LIFR: variants seen among roughly 807,000 people sequenced by gnomAD.
The protein encoded by LIFR is leukemia inhibitory factor receptor.
Under a neutral mutation model 122.2 loss-of-function variants are expected in LIFR, and 84 were observed. The observed-to-expected ratio is 0.69, with a 90% CI of 0.58 to 0.82. LIFR has a LOEUF of 0.82. Ranked by LOEUF, LIFR falls within the 40% of genes least tolerant of loss-of-function variation. The pLI, the probability that LIFR is intolerant of heterozygous loss-of-function variation, is 0.00. For missense variants in LIFR, 1,294 were observed against 1,311.6 expected, an observed-to-expected ratio of 0.99 and a Z score of 0.21; for synonymous variants, 422 against 434.7, an observed-to-expected ratio of 0.97 and a Z score of 0.36.
At chr5:38,490,828 G>T (rs1004832541) in intron 14 of LIFR, 1 of 152,098 alleles carries the variant, frequency 6.6e-6, no homozygotes, top group South Asian at 2.1e-4. Flanking sequence ...TCAAACTCCT[G>T]ACCTCGTGAC....
rs1282498723 is a variant in LIFR, at chr5:38,565,995, ACT to A, written c.-20+29264_-20+29265del. Among the ~76,000 whole-genome samples, 4 of 152,146 alleles carry A rather than the reference ACT, an allele frequency of 2.6e-5. No homozygotes were observed. The East Asian group carries it at 7.7e-4, about 29-fold the overall frequency. On this transcript the variant is annotated intron_variant, in intron 1 of 19. Coordinates refer to the LIFR transcript ENST00000263409. Reference sequence around the variant, plus strand: ...AGACAAAGCCCTTTGTCTTATGAAGACTCTGATGAAGCTTACGTATTAAGACT... The same window carrying A: ...AGACAAAGCCCTTTGTCTTATGAAGACTGATGAAGCTTACGTATTAAGACT...
chr5:38,528,726 C>G lies in LIFR; in HGVS notation c.257G>C (p.Arg86Thr). The change falls in exon 3 of 20, where the codon AGG becomes ACG. Residue 86 changes from arginine (R) to threonine (T), a missense_variant and splice_region_variant. Physicochemically the swap from Arg to Thr is moderately conservative, Grantham distance 71. Transcript: ENST00000453190. ...GTDYEVCIEN[R>T]SRSCYQLEKT... ...GTGAATTAAAGTAAATTAAAATTAC[C>G]TGTTTTCAATGCAAACTTCATAATC... is the stretch of plus-strand genomic sequence containing the variant. 6.5e-7 allele frequency: 1 copy of G among 1,548,548 alleles called. No homozygotes were observed. Among genetic ancestry groups the G allele is most frequent in the African/African-American group, 1.4e-5 (1 of 73,584 alleles).
intron 2 of LIFR, 85 bp downstream of exon 2, chr5:38,530,421 G>T (rs948538180): frequency 7.0e-6 from 8 of 1,138,142 alleles, no homozygotes; most frequent in Non-Finnish European, 1.1e-5. Flanking sequence ...TCCTAAAGGG[G>T]TCAATAAAGC....
At chr5:38,600,114 C>G (rs145017002), upstream of LIFR, among the ~76,000 whole-genome samples, 7 of 152,342 alleles carry the variant, frequency 4.6e-5, no homozygotes, top group Non-Finnish European at 1.0e-4. Flanking sequence ...TAACTTAACT[C>G]TTTCAACCAA....
chr5:38,476,523 T>A lies in LIFR; in HGVS notation c.*5072A>T. 1.1e-5 allele frequency: 1 copy of A among 94,142 alleles called. No homozygotes were observed. Among genetic ancestry groups the A allele is most frequent in the Non-Finnish European group, 2.4e-5 (1 of 42,208 alleles). The allele number at this position is 94,142 out of a possible 1,614,324, so 5.8% of individuals were successfully genotyped here. On this transcript the variant is annotated 3_prime_UTR_variant, in exon 20 of 20. Transcript: ENST00000453190. ...AACACATAGGATCTATGTTGTTAGC[T>A]TTTTTTTTTTTAAAGTTCTGATTGG...
intron 1 of LIFR, among the ~76,000 whole-genome samples, chr5:38,606,799 T>A: frequency 6.6e-6 from 1 of 152,170 alleles, no homozygotes; most frequent in East Asian, 1.9e-4. Flanking sequence ...TTTCTTTTTT[T>A]TCCCCCATGG....
chr5:38,589,608 T>A (rs991987909), intron 1 of LIFR, among the ~76,000 whole-genome samples: 16 of 152,310 alleles, frequency 1.1e-4, no homozygotes, highest in African/African-American at 3.9e-4. Context: ...ATAACCTTAT[T>A]CCATTAAATA....
Position 38,474,998 on chromosome 5 carries a change from C to T in LIFR, c.*6597G>A, listed in dbSNP as rs1743663177. 1 of 170,124 alleles carries T rather than the reference C, an allele frequency of 5.9e-6. No individual in the cohort carries two copies. Among genetic ancestry groups the T allele is most frequent in the East Asian group, 1.1e-4 (1 of 8,876 alleles). The allele number at this position is 170,124 out of a possible 1,614,324, so 10.5% of individuals were successfully genotyped here. A position where few individuals can be genotyped will look rare whatever the true frequency, so the allele number is the denominator to read the frequency against. On this transcript the variant is annotated 3_prime_UTR_variant, in exon 20 of 20. Transcript: ENST00000453190. ...GAAAATATATTTATTTTTTCCATGA[C>T]AATACTATGATAAAATTGTTAAATA...
intron 1 of LIFR, among the ~76,000 whole-genome samples, chr5:38,580,279 C>G (rs1473562030): frequency 6.6e-6 from 1 of 152,176 alleles, no homozygotes; most frequent in Non-Finnish European, 1.5e-5. Context: ...CTCAAAGTCA[C>G]TATGGCTGGA....
intron 1 of LIFR, among the ~76,000 whole-genome samples, chr5:38,552,720 A>G (rs1237081744): frequency 2.0e-5 from 3 of 152,354 alleles, no homozygotes; most frequent in Non-Finnish European, 2.9e-5. Flanking sequence ...ACAGTTTGAC[A>G]AAAGTGATAA....
At chr5:38,591,399 A>G (rs775779862) in intron 1 of LIFR, among the ~76,000 whole-genome samples, 2 of 152,248 alleles carry the variant, frequency 1.3e-5, no homozygotes, top group African/African-American at 2.4e-5. Context: ...CACTGCTCAT[A>G]TAACAGACAC....
At chr5:38,507,493 G>A (rs1015150528) in intron 7 of LIFR, among the ~76,000 whole-genome samples, 1 of 151,050 alleles carries the variant, frequency 6.6e-6, no homozygotes, top group African/African-American at 2.4e-5. Context: ...GAACCTGGGA[G>A]GTGGAGGCTG....
intron 5 of LIFR, among the ~76,000 whole-genome samples, chr5:38,513,070 G>C (rs1215509543): frequency 6.6e-6 from 1 of 152,042 alleles, no homozygotes; most frequent in Non-Finnish European, 1.5e-5. Flanking sequence ...GGGACTTCTA[G>C]GCAAACACAA....
intron 1 of LIFR, chr5:38,579,005 G>T (rs933880908): frequency 2.6e-5 from 4 of 152,192 alleles, no homozygotes; most frequent in African/African-American, 9.7e-5. Flanking sequence ...AGTGGTAAAG[G>T]TTCAGATAAT....
chr5:38,502,307 G>C (rs953004615), intron 11 of LIFR, among the ~76,000 whole-genome samples: 4 of 151,774 alleles, frequency 2.6e-5, no homozygotes, highest in African/African-American at 9.7e-5. Context: ...GCCCAGGCTG[G>C]AGTGCAATGG....
Position 38,527,238 on chromosome 5 carries a change from T to C in LIFR, c.314A>G (p.His105Arg), listed in dbSNP as rs143068676. 67 of 1,598,394 alleles carry C rather than the reference T, an allele frequency of 4.2e-5. No homozygotes were observed. In the African/African-American group the frequency reaches 8.3e-4, roughly 20 times the overall value. Residue 105 changes from histidine to arginine, a missense_variant, in exon 4 of 20, where the codon CAT (histidine) becomes CGT (arginine). By Grantham distance (29) the His-to-Arg change is conservative. Coordinates refer to ENST00000453190, the MANE Select transcript of LIFR (RefSeq NM_001127671.2). ...ATTTATTGTTATTTCATAATCACCA[T>C]GTGAAAGAGCTGGAATTTTAATACT... The part of the protein sequence containing the change: ...KTSIKIPALS[H>R]GDYEITINSL...
rs1488975450 is a variant in LIFR at position 38,480,128 on chromosome 5, ACC to A, written c.*1465_*1466del. 8 of 226,858 alleles carry A rather than the reference ACC, an allele frequency of 3.5e-5. No homozygotes were observed. Among genetic ancestry groups the A allele is most frequent in the African/African-American group, 1.6e-4 (7 of 44,056 alleles). 14.1% of individuals were successfully genotyped at this position (226,858 alleles called of 1,614,324 possible). A position where few individuals can be genotyped will look rare whatever the true frequency, so the allele number is the denominator to read the frequency against. On this transcript the variant is annotated 3_prime_UTR_variant, in exon 20 of 20. Coordinates refer to ENST00000453190, the MANE Select transcript of LIFR (RefSeq NM_001127671.2). ...TCAGATGATAAAAAACAAACAAACA[ACC>A]AAAAAAAACAAACAAAAAAGACATA...
At chr5:38,540,928 G>A (rs565395941) in intron 1 of LIFR, among the ~76,000 whole-genome samples, 1 of 152,196 alleles carries the variant, frequency 6.6e-6, no homozygotes, top group Non-Finnish European at 1.5e-5. Flanking sequence ...ACTGTTTTAA[G>A]ACCTAGATTT....
chr5:38,553,648 A>AT (rs1183040262), intron 1 of LIFR, among the ~76,000 whole-genome samples: 37 of 102,202 alleles, frequency 3.6e-4, no homozygotes, highest in Admixed American at 2.1e-3. Context: ...ATATATATAT[A>AT]TATATATATA....
Sources: allele counts gnomAD v4.1 joint callset (sites outside exome capture counted in the v4.1 genomes callset), GRCh38; gene constraint gnomAD v4.1.1; transcripts MANE v1.5; gene names NCBI Gene and HGNC (gene_info 2026-07-23, HGNC 2026-07-21).